The following ZNF407 variants were observed in gnomAD, a reference collection of about 807,000 sequenced individuals.
ZNF407 encodes zinc finger protein 407.
Under a neutral mutation model 131.2 loss-of-function variants are expected in ZNF407, and 17 were observed. The ratio of observed to expected loss-of-function variants is 0.13; its 90% CI spans 0.09 to 0.19. ZNF407 has a LOEUF of 0.19. ZNF407 is among the 10% of genes least tolerant of loss of function. The pLI is 1.00. For synonymous variants in ZNF407, 1,156 were observed against 1,062.0 expected, an observed-to-expected ratio of 1.09 and a Z score of -1.72; for missense variants, 2,681 against 2,830.6, an observed-to-expected ratio of 0.95 and a Z score of 1.20.
At chr18:74,803,906 T>TACA in intron 4 of ZNF407, 1 of 1,535,780 alleles carries the variant, frequency 6.5e-7, no homozygotes, top group Non-Finnish European at 8.8e-7. Context: ...GAGAATGCTT[T>TACA]ACAACGTGCC....
chr18:74,721,037 G>A (rs951767923), intron 3 of ZNF407, among the ~76,000 whole-genome samples: 26 of 151,014 alleles, frequency 1.7e-4, no homozygotes, highest in Admixed American at 3.3e-4. Flanking sequence ...GAAGAATGTC[G>A]TTGGTATTTT....
intron 7 of ZNF407, among the ~76,000 whole-genome samples, chr18:74,910,731 A>G (rs977600006): frequency 1.3e-5 from 2 of 152,166 alleles, no homozygotes; most frequent in African/African-American, 2.4e-5. Context: ...TTAGAGTTTC[A>G]TTAAGTATAA....
Position 74,631,144 on chromosome 18 carries a change from G to C in ZNF407, c.125G>C (p.Ser42Thr). 6.2e-7 allele frequency: 1 copy of C among 1,613,978 alleles called. No homozygotes were observed. Among genetic ancestry groups the C allele is most frequent in the Non-Finnish European group, 8.5e-7 (1 of 1,179,890 alleles). The change falls in exon 2 of 9, where the codon AGT (serine) becomes ACT (threonine). Residue 42 changes from serine to threonine, a missense_variant. Ser to Thr is a moderately conservative substitution (Grantham distance 58). Transcript: ENST00000299687. ...GGGCCTGTATCTGATGTGATAGCAAGTTTCCCTGAGAATTCTATGGGCAAA... is the reference window on the plus strand; with the variant it reads ...GGGCCTGTATCTGATGTGATAGCAACTTTCCCTGAGAATTCTATGGGCAAA... ...DGGPVSDVIA[S>T]FPENSMGKRG...
chr18:74,898,927 AAAAACCTCAGATATCTTTGAGTTAAAAGT>A (rs1322568648), intron 7 of ZNF407, among the ~76,000 whole-genome samples: 1 of 152,238 alleles, frequency 6.6e-6, no homozygotes, highest in East Asian at 1.9e-4. Flanking sequence ...GTTCCAATCT[AAAAACCTCAGATATCTTTGAGTTAAAAGT>A]TTAAGACTCT....
At chr18:74,880,563 G>C (rs1224518787) in intron 5 of ZNF407, among the ~76,000 whole-genome samples, 1 of 152,154 alleles carries the variant, frequency 6.6e-6, no homozygotes, top group Admixed American at 6.5e-5. Flanking sequence ...GATTAAGGAA[G>C]ACCCTAATAG....
At chr18:75,025,086 A>G (rs1973155914) in intron 8 of ZNF407, among the ~76,000 whole-genome samples, 1 of 152,232 alleles carries the variant, frequency 6.6e-6, no homozygotes, top group Admixed American at 6.5e-5. Flanking sequence ...CGCAAAATGC[A>G]TAGAGCTTGT....
chr18:74,808,019 T>TG (rs1055874839), intron 4 of ZNF407, among the ~76,000 whole-genome samples: 19 of 143,872 alleles, frequency 1.3e-4, no homozygotes, highest in Non-Finnish European at 2.8e-4. Context: ...CACCTCACAT[T>TG]TTTTTTTTTT....
intron 3 of ZNF407, among the ~76,000 whole-genome samples, chr18:74,771,739 CTGAT>C (rs1199311654): frequency 2.0e-5 from 3 of 151,778 alleles, no homozygotes; most frequent in Non-Finnish European, 4.4e-5. Flanking sequence ...TTCTTGATAA[CTGAT>C]TGTGTGGTAT....
chr18:74,836,101 G>C (rs1278838911), intron 4 of ZNF407, among the ~76,000 whole-genome samples: 4 of 151,444 alleles, frequency 2.6e-5, no homozygotes, highest in Non-Finnish European at 5.9e-5. Flanking sequence ...AAGGAGTTAA[G>C]AAGTTTTAAA....
At chr18:74,668,075 C>G (rs533165097) in intron 3 of ZNF407, among the ~76,000 whole-genome samples, 2 of 152,004 alleles carry the variant, frequency 1.3e-5, no homozygotes, top group African/African-American at 4.8e-5. Context: ...CATCCCTAAC[C>G]CAAGAACCTG....
At chr18:74,706,027 C>T (rs1162677313) in intron 3 of ZNF407, among the ~76,000 whole-genome samples, 1 of 152,152 alleles carries the variant, frequency 6.6e-6, no homozygotes, top group Admixed American at 6.5e-5. Context: ...ATTCTATTTC[C>T]TTCTCCACTG....
At chr18:75,049,481 T>G (rs181072070) in intron 8 of ZNF407, among the ~76,000 whole-genome samples, 1 of 152,306 alleles carries the variant, frequency 6.6e-6, no homozygotes, top group East Asian at 1.9e-4. Context: ...AGTTCTAGAA[T>G]CATAATCTAA....
intron 4 of ZNF407, among the ~76,000 whole-genome samples, chr18:74,872,151 GC>G (rs1361573762): frequency 9.7e-6 from 1 of 103,230 alleles, no homozygotes; most frequent in Non-Finnish European, 2.1e-5. Context: ...CGTCAGCCCC[GC>G]CCCCCTCCTC....
intron 8 of ZNF407, among the ~76,000 whole-genome samples, chr18:74,993,665 C>A (rs1008733290): frequency 2.6e-5 from 4 of 152,116 alleles, no homozygotes; most frequent in Non-Finnish European, 5.9e-5. Context: ...ATGTTTGAAG[C>A]TAAACTGTTA....
chr18:74,901,854 A>G (rs995191190), intron 7 of ZNF407, among the ~76,000 whole-genome samples: 4 of 152,106 alleles, frequency 2.6e-5, no homozygotes, highest in African/African-American at 9.7e-5. Context: ...ACAATCTTTT[A>G]AAACACTGTA....
intron 4 of ZNF407, among the ~76,000 whole-genome samples, chr18:74,811,751 A>C (rs1250782824): frequency 6.6e-6 from 1 of 152,126 alleles, no homozygotes. Flanking sequence ...GGAAATCATC[A>C]TTCTCAGTAA....
chr18:74,888,085 C>T (rs1971335285), intron 6 of ZNF407, among the ~76,000 whole-genome samples: 1 of 152,138 alleles, frequency 6.6e-6, no homozygotes, highest in African/African-American at 2.4e-5. Flanking sequence ...TTTTACTCCT[C>T]ATTTTCTAAG....
chr18:74,947,292 G>C (rs912231613), intron 8 of ZNF407, among the ~76,000 whole-genome samples: 1 of 152,098 alleles, frequency 6.6e-6, no homozygotes, highest in African/African-American at 2.4e-5. Context: ...AATGATTCCT[G>C]GTTTCATTTG....
chr18:74,639,324 T>G (rs1984603397), intron 2 of ZNF407, among the ~76,000 whole-genome samples: 1 of 152,254 alleles, frequency 6.6e-6, no homozygotes, highest in Non-Finnish European at 1.5e-5. Flanking sequence ...GAGGTTGATC[T>G]TCTTTGTTTC....
Sources: allele counts gnomAD v4.1 joint callset (sites outside exome capture counted in the v4.1 genomes callset), GRCh38; gene constraint gnomAD v4.1.1; transcripts MANE v1.5; gene names NCBI Gene and HGNC (gene_info 2026-07-23, HGNC 2026-07-21).